The following SNX29 variants were observed in gnomAD, a reference collection of about 807,000 sequenced individuals.
The protein encoded by SNX29 is sorting nexin-29.
SNX29 carries 78 observed loss-of-function variants against 102.1 expected under a neutral mutation model. The observed-to-expected ratio is 0.76, with a 90% CI of 0.64 to 0.92. The LOEUF is 0.92. SNX29 is among the 40% of genes least tolerant of loss of function. SNX29 has a pLI of 0.00. For synonymous variants in SNX29, 580 were observed against 414.5 expected, an observed-to-expected ratio of 1.40 and a Z score of -4.85; for missense variants, 1,280 against 1,061.7, an observed-to-expected ratio of 1.21 and a Z score of -2.86.
intron 14 of SNX29, among the ~76,000 whole-genome samples, chr16:12,235,621 G>A (rs762996796): frequency 3.9e-5 from 6 of 151,954 alleles, no homozygotes; most frequent in East Asian, 1.9e-4. Context: ...CTTGCTTTAC[G>A]ATTCAGTAGC....
intron 13 of SNX29, among the ~76,000 whole-genome samples, chr16:12,173,219 A>G (rs1007162656): frequency 2.6e-5 from 4 of 152,224 alleles, no homozygotes; most frequent in Non-Finnish European, 4.4e-5. Flanking sequence ...CTATTAGATA[A>G]AAGTGGGTTC....
rs78423456 is a variant in SNX29 at position 12,571,592 on chromosome 16, A to C, written c.*2963A>C. ...TCTGTCTTCATGGCCTGCTGTGCTG[A>C]AACAGAACAGCAGGTTCCATCTTTC... On this transcript the variant is annotated 3_prime_UTR_variant, in exon 21 of 21. Transcript: ENST00000566228. 3 of 1,056,116 alleles carry C rather than the reference A, an allele frequency of 2.8e-6. No homozygotes were observed. Among genetic ancestry groups the C allele is most frequent in the Non-Finnish European group, 3.4e-6 (3 of 872,060 alleles). The allele number at this position is 1,056,116 out of a possible 1,614,324, so 65.4% of individuals were successfully genotyped here. A position where few individuals can be genotyped will look rare whatever the true frequency, so the allele number is the denominator to read the frequency against.
intron 13 of SNX29, 81 bp from the exon 14 acceptor site, chr16:12,199,520 A>C: frequency 8.3e-7 from 1 of 1,211,612 alleles, no homozygotes; most frequent in Non-Finnish European, 1.2e-6. Context: ...ACACAAATTC[A>C]CCACCCACCC....
At chr16:12,388,716 G>A (rs1234082268) in intron 16 of SNX29, among the ~76,000 whole-genome samples, 1 of 152,230 alleles carries the variant, frequency 6.6e-6, no homozygotes, top group African/African-American at 2.4e-5. Flanking sequence ...ATTTGGCCCA[G>A]GAGCCATAGT....
At chr16:12,178,118 A>C (rs973323773) in intron 13 of SNX29, among the ~76,000 whole-genome samples, 1 of 152,022 alleles carries the variant, frequency 6.6e-6, no homozygotes, top group Non-Finnish European at 1.5e-5. Context: ...TGGGGGAGGG[A>C]GCCAGGGCAG....
At chr16:12,231,409 G>A (rs540990301) in intron 14 of SNX29, among the ~76,000 whole-genome samples, 2 of 152,044 alleles carry the variant, frequency 1.3e-5, no homozygotes, top group South Asian at 4.1e-4. Context: ...CCACTTAATC[G>A]TCTATCACAA....
At chr16:12,516,796 G>T (rs894317882) in intron 19 of SNX29, among the ~76,000 whole-genome samples, 1 of 152,178 alleles carries the variant, frequency 6.6e-6, no homozygotes, top group Non-Finnish European at 1.5e-5. Flanking sequence ...CCACTGGGGA[G>T]CGGGACATGC....
At chr16:12,195,039 T>C (rs2076739053) in intron 13 of SNX29, among the ~76,000 whole-genome samples, 1 of 152,232 alleles carries the variant, frequency 6.6e-6, no homozygotes, top group South Asian at 2.1e-4. Context: ...ATGAGCACTG[T>C]TAACGTTGTG....
Position 12,366,317 on chromosome 16 carries a change from G to C in SNX29, c.1899+10038G>C, listed in dbSNP as rs564447377. ...CAAGGAACACTATTGCAGTCATTAT[G>C]TTCCAGAATTATTTCCCTGAGGAAC... On this transcript the variant is annotated intron_variant, in intron 16 of 20. Coordinates refer to ENST00000566228, the MANE Select transcript of SNX29 (RefSeq NM_032167.5). Among the ~76,000 whole-genome samples, 5 of 152,292 alleles carry C rather than the reference G, an allele frequency of 3.3e-5. No individual in the cohort carries two copies. The South Asian group carries it at 1.0e-3, about 32-fold the overall frequency.
chr16:12,567,334 G>C (rs1009652920), intron 20 of SNX29, among the ~76,000 whole-genome samples: 2 of 152,154 alleles, frequency 1.3e-5, no homozygotes, highest in African/African-American at 4.8e-5. Flanking sequence ...CGCAGGAGTG[G>C]ACATGGATCC....
At chr16:12,155,882 C>T (rs1239931311) in intron 13 of SNX29, among the ~76,000 whole-genome samples, 2 of 152,214 alleles carry the variant, frequency 1.3e-5, no homozygotes, top group Admixed American at 6.5e-5. Context: ...CATGAGATCA[C>T]TCCTCTGCTC....
At chr16:12,090,498 C>A (rs2052473010) in intron 11 of SNX29, among the ~76,000 whole-genome samples, 1 of 152,116 alleles carries the variant, frequency 6.6e-6, no homozygotes, top group Non-Finnish European at 1.5e-5. Flanking sequence ...CTGGAGACCC[C>A]CTTGGGACCA....
intron 15 of SNX29, among the ~76,000 whole-genome samples, chr16:12,354,362 A>G (rs2082072735): frequency 6.6e-6 from 1 of 152,310 alleles, no homozygotes; most frequent in South Asian, 2.1e-4. Context: ...TAGTGAAATG[A>G]AAGATTTGCC....
Position 12,077,662 on chromosome 16 carries a change from C to T in SNX29, c.1320-1171C>T, listed in dbSNP as rs1022046176. Among the ~76,000 whole-genome samples the T allele has an allele frequency of 1.5e-4, 23 of 152,130 alleles. 1 individual carries two copies. Among genetic ancestry groups the T allele is most frequent in the South Asian group, 2.1e-4 (1 of 4,814 alleles). On this transcript the variant is annotated intron_variant, in intron 10 of 20. Transcript: ENST00000566228. ...TGAGATGAACTGTTGCTCTTTTGCC[C>T]GGGGCTGGAGTGCAGTGGCGTGATC...
At chr16:12,418,032 C>G (rs904735685) in intron 18 of SNX29, among the ~76,000 whole-genome samples, 1 of 152,136 alleles carries the variant, frequency 6.6e-6, no homozygotes, top group Non-Finnish European at 1.5e-5. Flanking sequence ...TCTCTGGGAA[C>G]CACATGCAAA....
chr16:12,213,111 C>G (rs375357658), intron 14 of SNX29, among the ~76,000 whole-genome samples: 1 of 151,888 alleles, frequency 6.6e-6, no homozygotes, highest in African/African-American at 2.4e-5. Context: ...GAGACTCTGT[C>G]TCAAAAAAAG....
chr16:12,069,419 C>A (rs981971696), intron 10 of SNX29, among the ~76,000 whole-genome samples: 1 of 152,064 alleles, frequency 6.6e-6, no homozygotes, highest in African/African-American at 2.4e-5. Context: ...GCACACACCA[C>A]CATGCCTAGC....
chr16:12,566,264 A>C (rs928760226), intron 20 of SNX29, among the ~76,000 whole-genome samples: 3 of 152,214 alleles, frequency 2.0e-5, no homozygotes, highest in Non-Finnish European at 4.4e-5. Flanking sequence ...AGGGTCAGAC[A>C]GCACTGCCCA....
intron 13 of SNX29, among the ~76,000 whole-genome samples, chr16:12,197,461 C>T (rs1304130797): frequency 2.6e-5 from 4 of 152,088 alleles, no homozygotes; most frequent in Admixed American, 2.0e-4. Context: ...ATCCCAGATA[C>T]TTGGGAGGCT....
Sources: allele counts gnomAD v4.1 joint callset (sites outside exome capture counted in the v4.1 genomes callset), GRCh38; gene constraint gnomAD v4.1.1; transcripts MANE v1.5; gene names NCBI Gene and HGNC (gene_info 2026-07-23, HGNC 2026-07-21).